Variants in PCDHGB2 observed in about 807,000 individuals in gnomAD.
PCDHGB2 encodes the protein protocadherin gamma subfamily B, 2.
Under a neutral mutation model 59.3 loss-of-function variants are expected in PCDHGB2, and 55 were observed. The ratio of observed to expected loss-of-function variants is 0.93; its 90% CI spans 0.75 to 1.16. The LOEUF (loss-of-function observed/expected upper bound fraction) is 1.16. PCDHGB2 is among the 50% of genes most tolerant of loss of function. PCDHGB2 has a pLI of 0.00. For synonymous variants in PCDHGB2, 516 were observed against 512.0 expected (o/e 1.01, Z -0.11); for missense variants, 1,228 against 1,198.5 (o/e 1.02, Z -0.36).
rs773471969 is a variant in PCDHGB2, at chr5:141,422,101, A to G, written c.2421+59545A>G. 11 of 1,610,046 alleles carry G rather than the reference A, an allele frequency of 6.8e-6. No individual in the cohort carries two copies. The highest frequency in any genetic ancestry group is 4.5e-5 in the East Asian group (2 of 44,870). ...GAACATGGAAAGCAAGGCTTCTGAA[A>G]TATTCCAATTGGATTCACAAACTGG... On this transcript the variant is annotated intron_variant, in intron 1 of 3. Coordinates refer to ENST00000522605, the MANE Select transcript of PCDHGB2 (RefSeq NM_018923.3).
Position 141,360,404 on chromosome 5 carries a change from T to C in PCDHGB2, c.269T>C (p.Ile90Thr). The part of the protein sequence containing the change: ...ESGDLLVSDR[I>T]DREQICGKQP... The stretch of plus-strand genomic sequence containing the variant: ...GGAGACTTACTTGTGAGTGACAGAA[T>C]AGACCGAGAACAGATATGCGGGAAG... The change falls in exon 1 of 4, where the codon ATA (isoleucine) becomes ACA (threonine). Residue 90 changes from isoleucine (I) to threonine (T), a missense_variant. By Grantham distance (89) the Ile-to-Thr change is moderately conservative. Coordinates refer to ENST00000522605, the MANE Select transcript of PCDHGB2 (RefSeq NM_018923.3). 1.2e-6 allele frequency: 2 copies of C among 1,613,934 alleles called. No homozygotes were observed. Among genetic ancestry groups the C allele is most frequent in the South Asian group, 1.1e-5 (1 of 91,078 alleles).
chr5:141,465,836 A>G (rs974075792), intron 1 of PCDHGB2, among the ~76,000 whole-genome samples: 1 of 151,774 alleles, frequency 6.6e-6, no homozygotes, highest in East Asian at 1.9e-4. Context: ...TAAAATTTCA[A>G]CTGAGGCTGG....
intron 1 of PCDHGB2, chr5:141,375,685 C>A (rs1771752072): frequency 6.2e-7 from 1 of 1,614,144 alleles, no homozygotes; most frequent in Non-Finnish European, 8.5e-7. Flanking sequence ...GGGTGACAGC[C>A]AGCGACAGCG....
At position 141,362,316 on chromosome 5, in the gene PCDHGB2, T is replaced by G. The variant is rs1561526440; in HGVS notation, c.2181T>G (p.Phe727Leu). 6.2e-7 allele frequency: 1 copy of G among 1,614,050 alleles called. No individual in the cohort carries two copies. Among genetic ancestry groups the G allele is most frequent in the South Asian group, 1.1e-5 (1 of 91,088 alleles). ...LSSRSDAWDC[F>L]QPGLSSKPGP... is the part of the protein sequence containing the mutation. ...CCAGGTCAGATGCTTGGGACTGTTT[T>G]CAGCCTGGTCTCAGCTCCAAGCCTG... Residue 727 changes from phenylalanine (F) to leucine (L), a missense_variant, in exon 1 of 4, where the codon TTT (phenylalanine) becomes TTG (leucine). By Grantham distance (22) the Phe-to-Leu change is conservative (BLOSUM62 0). This residue lies in a region of PCDHGB2 where 433 missense variants were observed against 441.8 expected (regional missense o/e 0.98). Coordinates refer to ENST00000522605, the MANE Select transcript of PCDHGB2 (RefSeq NM_018923.3).
chr5:141,408,378 T>C lies in PCDHGB2; in HGVS notation c.2421+45822T>C, dbSNP rs1369625426. 28 of 1,613,884 alleles carry C rather than the reference T, an allele frequency of 1.7e-5. No homozygotes were observed. The South Asian group carries it at 3.0e-4, about 17-fold the overall frequency. The stretch of plus-strand genomic sequence containing the variant: ...GCTAAGGATCTAGGGCTCAGTGTCC[T>C]GGATGTGTCGGCTCGCAAGCTGCGA... On this transcript the variant is annotated intron_variant, in intron 1 of 3. Transcript: ENST00000522605.
chr5:141,372,689 T>C (rs1465173410), intron 1 of PCDHGB2: 1 of 1,614,032 alleles, frequency 6.2e-7, no homozygotes. Flanking sequence ...ACACCGAGTT[T>C]AAATTTCTCA....
intron 1 of PCDHGB2, chr5:141,376,411 C>G (rs904052827): frequency 4.3e-6 from 7 of 1,614,180 alleles, no homozygotes; most frequent in South Asian, 3.3e-5. Flanking sequence ...CCAACTATGC[C>G]GACACGCTTA....
At chr5:141,436,071 A>G (rs1419598304) in intron 1 of PCDHGB2, among the ~76,000 whole-genome samples, 1 of 152,222 alleles carries the variant, frequency 6.6e-6, no homozygotes. Context: ...TAATAAGTAC[A>G]GTGTTCTATA....
At chr5:141,452,524 C>T (rs542476667) in intron 1 of PCDHGB2, among the ~76,000 whole-genome samples, 83 of 152,294 alleles carry the variant, frequency 5.4e-4, no homozygotes, top group African/African-American at 1.9e-3. Flanking sequence ...CCCTCAAAAT[C>T]GTGAGTTCAT....
chr5:141,394,004 A>G (rs1220367944), intron 1 of PCDHGB2: 6 of 1,613,378 alleles, frequency 3.7e-6, no homozygotes, highest in Non-Finnish European at 4.2e-6. Context: ...TAGAAAAGTC[A>G]ATAGGTAATT....
intron 1 of PCDHGB2, chr5:141,433,358 CCTATCTATCTAT>C (rs3074541): frequency 0.01 from 5,256 of 504,010 alleles, 38 homozygotes; most frequent in Non-Finnish European, 0.014. Flanking sequence ...CTACTGTCTG[CCTATCTATCTAT>C]CTATCTATCT....
intron 2 of PCDHGB2, among the ~76,000 whole-genome samples, chr5:141,503,598 C>CAA (rs765754054): frequency 1.5e-4 from 10 of 65,698 alleles, no homozygotes; most frequent in African/African-American, 2.3e-4. Context: ...GACTCCAGCT[C>CAA]AAAAAAAAAA....
At chr5:141,395,151 A>G in intron 1 of PCDHGB2, 1 of 1,612,516 alleles carries the variant, frequency 6.2e-7, no homozygotes, top group Non-Finnish European at 8.5e-7. Flanking sequence ...AGACATGCTC[A>G]TCAGTCAGGA....
chr5:141,383,900 T>C (rs766644204), intron 1 of PCDHGB2: 6 of 1,613,976 alleles, frequency 3.7e-6, no homozygotes, highest in Non-Finnish European at 5.1e-6. Context: ...GCAAAAGTAC[T>C]GATCACAGTT....
Position 141,422,444 on chromosome 5 carries a change from T to TA in PCDHGB2, c.2421+59890dup, listed in dbSNP as rs1171104340. 1.9e-6 allele frequency: 3 copies of TA among 1,610,490 alleles called. No homozygotes were observed. The Admixed American group carries it at 5.1e-5, about 27-fold the overall frequency. ...ACTTATGGAAATTATTACAAATTGA[T>TA]AACAAGCAGAGTGCTGGACAGGGAG... On this transcript the variant is annotated intron_variant, in intron 1 of 3. Coordinates refer to ENST00000522605, the MANE Select transcript of PCDHGB2 (RefSeq NM_018923.3).
At chr5:141,496,698 C>T (rs2099770595) in intron 2 of PCDHGB2, among the ~76,000 whole-genome samples, 1 of 152,196 alleles carries the variant, frequency 6.6e-6, no homozygotes, top group Non-Finnish European at 1.5e-5. Context: ...CCAACCTTCT[C>T]ATAAGTTATC....
intron 1 of PCDHGB2, chr5:141,389,959 T>C (rs764607245): frequency 6.2e-7 from 1 of 1,614,058 alleles, no homozygotes; most frequent in Non-Finnish European, 8.5e-7. Flanking sequence ...TACCTAGTGG[T>C]GGCCTTGGCC....
At chr5:141,394,371 T>C (rs753598001) in intron 1 of PCDHGB2, 5 of 1,614,056 alleles carry the variant, frequency 3.1e-6, no homozygotes, top group Non-Finnish European at 4.2e-6. Context: ...GCTGCAATCT[T>C]TCGACTATGA....
Position 141,362,411 on chromosome 5 carries a change from A to G in PCDHGB2, c.2276A>G (p.Gln759Arg), listed in dbSNP as rs771689350. Residue 759 changes from glutamine to arginine, a missense_variant, in exon 1 of 4, where the codon CAA (glutamine) becomes CGA (arginine). Physicochemically the swap from Gln to Arg is conservative, Grantham distance 43. Coordinates refer to ENST00000522605, the MANE Select transcript of PCDHGB2 (RefSeq NM_018923.3). ...TCCTACAACCTGTGTGTTGCCTCAC[A>G]ATCAGCCAAGACAGAGTTCAATTTT... Reference protein sequence around the residue: ...PYSYNLCVASQSAKTEFNFLN... With the variant: ...PYSYNLCVASRSAKTEFNFLN... 6.2e-7 allele frequency: 1 copy of G among 1,614,004 alleles called. No homozygotes were observed. The highest frequency in any genetic ancestry group is 8.5e-7 in the Non-Finnish European group (1 of 1,179,898).
Sources: gnomAD v4.1 joint callset for allele counts (sites outside exome capture counted in the v4.1 genomes callset) on GRCh38, gnomAD v4.1.1 for gene constraint, gnomAD v4.1.1 regional missense constraint, MANE v1.5 for transcripts, NCBI Gene and HGNC (gene_info 2026-07-23, HGNC 2026-07-21) for gene names.